GPC5: variants seen among roughly 807,000 people sequenced by gnomAD.
The protein encoded by GPC5 is glypican 5.
GPC5 carries 47 observed loss-of-function variants against 53.9 expected under a neutral mutation model. That is an observed-to-expected ratio of 0.87 (90% CI 0.69 to 1.11). The LOEUF (loss-of-function observed/expected upper bound fraction) is 1.11, where lower values mean the gene tolerates loss of function less well. Among genes scored for constraint, GPC5 ranks in the 50% most tolerant of loss-of-function variants. GPC5 has a pLI of 0.00. For synonymous variants in GPC5, 286 were observed against 263.3 expected (o/e 1.09, Z -0.84); for missense variants, 748 against 713.1 (o/e 1.05, Z -0.56).
At chr13:92,600,737 C>T (rs995722811) in intron 7 of GPC5, among the ~76,000 whole-genome samples, 3 of 151,012 alleles carry the variant, frequency 2.0e-5, no homozygotes, top group Non-Finnish European at 2.9e-5. Context: ...AAACTCCTGA[C>T]CTCAGGTGAT....
intron 7 of GPC5, among the ~76,000 whole-genome samples, chr13:92,511,849 T>A (rs1566621942): frequency 6.6e-6 from 1 of 152,166 alleles, no homozygotes. Flanking sequence ...TGCAGCACTT[T>A]ACCTGTGATC....
intron 7 of GPC5, among the ~76,000 whole-genome samples, chr13:92,840,436 C>T (rs558957399): frequency 3.4e-4 from 51 of 152,034 alleles, no homozygotes; most frequent in Admixed American, 5.9e-4. Flanking sequence ...TTTCATTTCT[C>T]GACTCCCTAA....
chr13:92,126,097 G>A lies in GPC5; in HGVS notation c.1402-18733G>A, dbSNP rs537145607. Among the ~76,000 whole-genome samples, 49 of 151,716 alleles carry A rather than the reference G, an allele frequency of 3.2e-4. No homozygotes were observed. The East Asian group carries it at 8.4e-3, about 26-fold the overall frequency. On this transcript the variant is annotated intron_variant, in intron 6 of 7. Coordinates refer to ENST00000377067, the MANE Select transcript of GPC5 (RefSeq NM_004466.6). ...AGCCTCCTGAGTAGCTGGGATTATAGGCACGTGCCACCACACCCAGCTAAT... is the reference window on the plus strand; with the variant it reads ...AGCCTCCTGAGTAGCTGGGATTATAAGCACGTGCCACCACACCCAGCTAAT...
chr13:91,693,772 A>T lies in GPC5; in HGVS notation c.911A>T (p.Asp304Val), dbSNP rs763515373. ...ATCCGGTCGTTGGAAGAACTCTCGG[A>T]TGCAATGCATGGAACATACGACATT... Reference protein sequence around the residue: ...AYIRSLEELSDAMHGTYDIGH... With the variant: ...AYIRSLEELSVAMHGTYDIGH... The change falls in exon 3 of 8, where the codon GAT becomes GTT. Residue 304 changes from aspartate to valine, a missense_variant. Coordinates refer to ENST00000377067, the MANE Select transcript of GPC5 (RefSeq NM_004466.6). 11 of 1,614,036 alleles carry T rather than the reference A, an allele frequency of 6.8e-6. No individual in the cohort carries two copies. The highest frequency in any genetic ancestry group is 8.5e-6 in the Non-Finnish European group (10 of 1,180,024).
intron 7 of GPC5, among the ~76,000 whole-genome samples, chr13:92,630,247 G>A (rs1420475483): frequency 6.6e-6 from 1 of 152,074 alleles, no homozygotes; most frequent in Non-Finnish European, 1.5e-5. Context: ...AAAGCACAGG[G>A]AAGTAACAGA....
At chr13:92,142,526 A>G (rs2041839067) in intron 6 of GPC5, among the ~76,000 whole-genome samples, 1 of 152,246 alleles carries the variant, frequency 6.6e-6, no homozygotes, top group South Asian at 2.1e-4. Flanking sequence ...AAAACAGAAT[A>G]AATGTTTTTT....
chr13:92,358,899 C>G (rs1416259075), intron 7 of GPC5, among the ~76,000 whole-genome samples: 1 of 151,604 alleles, frequency 6.6e-6, no homozygotes, highest in Non-Finnish European at 1.5e-5. Context: ...GAAATGATTT[C>G]AAGGCATTTT....
intron 2 of GPC5, among the ~76,000 whole-genome samples, chr13:91,675,793 T>A (rs540561878): frequency 6.6e-6 from 1 of 152,244 alleles, no homozygotes; most frequent in South Asian, 2.1e-4. Context: ...GAGCATCAGC[T>A]CCATGTGTGA....
chr13:91,674,377 T>TTATA (rs576931863), intron 2 of GPC5, among the ~76,000 whole-genome samples: 1,561 of 147,442 alleles, frequency 0.011, 39 homozygotes, highest in African/African-American at 0.036. Flanking sequence ...CACTAACTCA[T>TTATA]TATATATATA....
chr13:92,381,926 A>C (rs2043750174), intron 7 of GPC5, among the ~76,000 whole-genome samples: 1 of 135,090 alleles, frequency 7.4e-6, no homozygotes, highest in African/African-American at 2.8e-5. Flanking sequence ...ATAATCATAT[A>C]TATGATTATA....
At position 91,860,349 on chromosome 13, in the gene GPC5, G is replaced by A. The variant is rs141857274; in HGVS notation, c.1281-47588G>A. Reference sequence around the variant, plus strand: ...TAACTTTCTTTTCTTGGCTCATTTCGCTCACATAATATCCTCCATTTCTAT... The same window carrying A: ...TAACTTTCTTTTCTTGGCTCATTTCACTCACATAATATCCTCCATTTCTAT... On this transcript the variant is annotated intron_variant, in intron 5 of 7. Coordinates refer to ENST00000377067, the MANE Select transcript of GPC5 (RefSeq NM_004466.6). Among the ~76,000 whole-genome samples, 685 of 151,524 alleles carry A rather than the reference G, an allele frequency of 4.5e-3. 9 individuals are homozygous for A. Among genetic ancestry groups the A allele is most frequent in the African/African-American group, 0.016 (649 of 41,266 alleles).
chr13:92,573,399 C>T (rs1264045431), intron 7 of GPC5, among the ~76,000 whole-genome samples: 1 of 152,122 alleles, frequency 6.6e-6, no homozygotes, highest in African/African-American at 2.4e-5. Context: ...TAGTGCTGAA[C>T]ATTTATTGCC....
At chr13:92,372,161 C>G (rs531327790) in intron 7 of GPC5, among the ~76,000 whole-genome samples, 1 of 152,246 alleles carries the variant, frequency 6.6e-6, no homozygotes, top group Non-Finnish European at 1.5e-5. Flanking sequence ...AGGCAGAGCA[C>G]CTAGCAGAGG....
intron 7 of GPC5, among the ~76,000 whole-genome samples, chr13:92,515,418 T>C (rs116841877): frequency 8.5e-5 from 13 of 152,312 alleles, no homozygotes; most frequent in Non-Finnish European, 1.5e-4. Context: ...CAGAGATTTT[T>C]GGTTTTTGTA....
intron 7 of GPC5, among the ~76,000 whole-genome samples, chr13:92,534,420 A>T (rs1468736592): frequency 6.6e-6 from 1 of 152,178 alleles, no homozygotes; most frequent in East Asian, 1.9e-4. Context: ...TGGGCAAAGG[A>T]GGTTGATGGC....
At chr13:91,550,798 C>T (rs2030592061) in intron 2 of GPC5, among the ~76,000 whole-genome samples, 1 of 151,996 alleles carries the variant, frequency 6.6e-6, no homozygotes, top group African/African-American at 2.4e-5. Flanking sequence ...GGGGCAGTTT[C>T]CCCCATACTG....
At chr13:92,446,315 T>G (rs1205443126) in intron 7 of GPC5, among the ~76,000 whole-genome samples, 1 of 151,706 alleles carries the variant, frequency 6.6e-6, no homozygotes, top group Non-Finnish European at 1.5e-5. Context: ...ATTGTTTTAA[T>G]TTTTAGCTCC....
intron 7 of GPC5, among the ~76,000 whole-genome samples, chr13:92,257,308 C>A (rs1368676379): frequency 6.6e-6 from 1 of 151,668 alleles, no homozygotes; most frequent in East Asian, 1.9e-4. Flanking sequence ...AGTGGTGTGA[C>A]TATTTGGAGC....
At chr13:91,451,408 G>A (rs1465158438) in intron 2 of GPC5, among the ~76,000 whole-genome samples, 1 of 152,058 alleles carries the variant, frequency 6.6e-6, no homozygotes, top group East Asian at 1.9e-4. Flanking sequence ...TGATCACTTG[G>A]GTCTGGGGAT....
Sources: allele counts gnomAD v4.1 joint callset (sites outside exome capture counted in the v4.1 genomes callset), GRCh38; gene constraint gnomAD v4.1.1; transcripts MANE v1.5; gene names NCBI Gene and HGNC (gene_info 2026-07-23, HGNC 2026-07-21).